Variants in MED12L observed in about 807,000 individuals in gnomAD.
MED12L encodes the protein mediator complex subunit 12L.
In MED12L, 60 loss-of-function variants were observed where a neutral mutation model predicts 281.3. The ratio of observed to expected loss-of-function variants is 0.21; its 90% confidence interval spans 0.17 to 0.26. The LOEUF (loss-of-function observed/expected upper bound fraction) is 0.26. Ranked by LOEUF, MED12L falls within the 10% of genes least tolerant of loss-of-function variation. MED12L has a pLI of 1.00. For missense variants in MED12L, 2,146 were observed against 2,680.9 expected, an observed-to-expected ratio of 0.80 and a Z score of 4.41; for synonymous variants, 974 against 987.2, an observed-to-expected ratio of 0.99 and a Z score of 0.25.
chr3:151,184,263 T>C (rs1032879648), intron 11 of MED12L, among the ~76,000 whole-genome samples: 4 of 152,218 alleles, frequency 2.6e-5, no homozygotes, highest in East Asian at 1.9e-4. Context: ...GGGATACTTA[T>C]TCTGGGATTC....
chr3:151,188,544 C>A, intron 13 of MED12L, 64 bp downstream of exon 13: 1 of 1,440,876 alleles, frequency 6.9e-7, no homozygotes, highest in South Asian at 1.4e-5. Context: ...TTTTCTGATT[C>A]CTTTTTTAAA....
At chr3:151,138,918 C>T (rs930625348) in intron 5 of MED12L, among the ~76,000 whole-genome samples, 2 of 152,084 alleles carry the variant, frequency 1.3e-5, no homozygotes, top group Admixed American at 6.5e-5. Context: ...TAACCATCCC[C>T]CTCCTTGAGG....
At chr3:151,271,450 T>A (rs1445213616) in intron 16 of MED12L, among the ~76,000 whole-genome samples, 1 of 152,230 alleles carries the variant, frequency 6.6e-6, no homozygotes. Context: ...GGGTCACTTC[T>A]TATCAAGTTA....
intron 16 of MED12L, chr3:151,295,218 G>A: frequency 6.3e-7 from 1 of 1,586,772 alleles, no homozygotes; most frequent in Non-Finnish European, 8.6e-7. Flanking sequence ...TTATCTGTAG[G>A]AGAAGTGGGG....
intron 2 of MED12L, among the ~76,000 whole-genome samples, chr3:151,101,348 G>A (rs952743854): frequency 7.9e-5 from 12 of 152,160 alleles, no homozygotes; most frequent in Non-Finnish European, 1.8e-4. Context: ...CACGGTACCT[G>A]TGAGGTGGTC....
chr3:151,304,987 CCT>C (rs1403048761), intron 16 of MED12L, among the ~76,000 whole-genome samples: 1 of 152,196 alleles, frequency 6.6e-6, no homozygotes, highest in East Asian at 1.9e-4. Flanking sequence ...CCTCAGCTGC[CCT>C]CTCAGGAGTC....
intron 8 of MED12L, among the ~76,000 whole-genome samples, chr3:151,161,153 G>A (rs1364585978): frequency 1.3e-5 from 2 of 152,168 alleles, no homozygotes; most frequent in Admixed American, 6.5e-5. Flanking sequence ...CCACAGTAGA[G>A]GGAAGATTGG....
chr3:151,358,988 A>G (rs1754286069), intron 20 of MED12L, among the ~76,000 whole-genome samples: 1 of 152,186 alleles, frequency 6.6e-6, no homozygotes, highest in Non-Finnish European at 1.5e-5. Context: ...ACAAAGGTAT[A>G]TTGCTTGGTG....
Position 151,155,081 on chromosome 3 carries a change from AAAAAC to A in MED12L, c.557-1076_557-1072del, listed in dbSNP as rs371107113. On this transcript the variant is annotated intron_variant, in intron 5 of 44. Coordinates refer to ENST00000687756, the MANE Select transcript of MED12L (RefSeq NM_001393769.1). ...ATAATTTTAAGGGTATTTAAAAAGT[AAAAAC>A]AAAGCACTCAGTGACTAGCAGATGT... is the stretch of plus-strand genomic sequence containing the variant. Among the ~76,000 whole-genome samples the A allele has an allele frequency of 6.2e-4, 94 of 152,382 alleles. No homozygotes were observed. The South Asian group carries it at 7.9e-3, about 13-fold the overall frequency.
intron 16 of MED12L, among the ~76,000 whole-genome samples, chr3:151,244,880 A>C (rs1735041490): frequency 6.6e-6 from 1 of 152,168 alleles, no homozygotes; most frequent in Admixed American, 6.5e-5. Flanking sequence ...AGCAAGACTA[A>C]TAAAGAAAAA....
intron 8 of MED12L, among the ~76,000 whole-genome samples, chr3:151,162,704 G>A (rs1049265295): frequency 2.0e-5 from 3 of 152,150 alleles, no homozygotes; most frequent in South Asian, 2.1e-4. Context: ...TTCCCAGAGC[G>A]CTGGGATTAT....
chr3:151,175,522 A>G (rs778850542), intron 11 of MED12L, among the ~76,000 whole-genome samples: 6 of 152,168 alleles, frequency 3.9e-5, no homozygotes, highest in African/African-American at 9.6e-5. Context: ...CCTAGGTAAT[A>G]TATTAACAAA....
At position 151,160,109 on chromosome 3, in the gene MED12L, C is replaced by G. The variant is rs1719791776; in HGVS notation, c.1107+8C>G. On this transcript the variant is annotated splice_region_variant and intron_variant, in intron 8 of 44. Transcript: ENST00000687756. ...CTTAGTTGTATGTTGCAGGTAAGTC[C>G]TTGGCCCTTGTTATTTTATGTTAAA... The G allele has an allele frequency of 6.6e-7, 1 of 1,516,410 alleles. No individual in the cohort carries two copies. The highest frequency in any genetic ancestry group is 1.4e-5 in the African/African-American group (1 of 71,564). 93.9% of individuals were successfully genotyped at this position (1,516,410 alleles called of 1,614,324 possible).
chr3:151,159,877 G>T lies in MED12L; in HGVS notation c.883G>T (p.Ala295Ser). 6.2e-7 allele frequency: 1 copy of T among 1,614,164 alleles called. No homozygotes were observed. The highest frequency in any genetic ancestry group is 8.5e-7 in the Non-Finnish European group (1 of 1,180,022). The change falls in exon 8 of 45, where the codon GCC becomes TCC. Residue 295 changes from alanine (A) to serine (S), a missense_variant. Physicochemically the swap from Ala to Ser is moderately conservative, Grantham distance 99. Coordinates refer to ENST00000687756, the MANE Select transcript of MED12L (RefSeq NM_001393769.1). ...VQSAYLSRRL[A>S]YFCARRLSLL... ...GTCGGCCTACCTGTCTCGTCGTCTT[G>T]CCTACTTTTGTGCCCGGCGTCTTTC...
At chr3:151,133,703 C>T (rs76646041) in intron 5 of MED12L, among the ~76,000 whole-genome samples, 6 of 151,888 alleles carry the variant, frequency 4.0e-5, no homozygotes, top group East Asian at 3.9e-4. Flanking sequence ...AATGCATGTT[C>T]GGTTTCAGAT....
intron 11 of MED12L, among the ~76,000 whole-genome samples, chr3:151,183,207 A>C (rs1178109942): frequency 1.3e-5 from 2 of 152,186 alleles, no homozygotes; most frequent in Admixed American, 1.3e-4. Context: ...ATAAAACCCT[A>C]GTTAACAGTG....
At position 151,190,980 on chromosome 3, in the gene MED12L, TG is replaced by T. The variant is rs749234706; in HGVS notation, c.1968+52del. 4.6e-6 allele frequency: 7 copies of T among 1,534,042 alleles called. No homozygotes were observed. In the South Asian group the frequency reaches 8.0e-5, roughly 17 times the overall value. On this transcript the variant is annotated intron_variant, in intron 14 of 44. Transcript: ENST00000687756. Reference sequence around the variant, plus strand: ...CACTCCCCCAGAAACTAAACTCTACTGGGAACCATGTTCAAATGGGTCATGT... The same window carrying T: ...CACTCCCCCAGAAACTAAACTCTACTGGAACCATGTTCAAATGGGTCATGT...
At chr3:151,213,045 A>T (rs1336407309) in intron 16 of MED12L, 1 of 234,138 alleles carries the variant, frequency 4.3e-6, no homozygotes, top group Non-Finnish European at 8.1e-6. Context: ...AATATAATAG[A>T]ATTGAATAAT....
intron 16 of MED12L, among the ~76,000 whole-genome samples, chr3:151,306,146 G>A (rs115705544): frequency 1.4e-4 from 22 of 152,112 alleles, no homozygotes; most frequent in Admixed American, 1.2e-3. Context: ...ATCCCCAATT[G>A]TTCTACTTTG....
Sources: gnomAD v4.1 joint callset for allele counts (sites outside exome capture counted in the v4.1 genomes callset) on GRCh38, gnomAD v4.1.1 for gene constraint, MANE v1.5 for transcripts, NCBI Gene and HGNC (gene_info 2026-07-23, HGNC 2026-07-21) for gene names.